ZNF148: variants seen among roughly 807,000 people sequenced by gnomAD.
ZNF148 encodes the protein Beta-Enolase Repressor Factor-1.
In ZNF148, 7 loss-of-function variants were observed where a neutral mutation model predicts 67.7. The observed-to-expected ratio is 0.10, with a 90% CI of 0.06 to 0.19. The LOEUF (loss-of-function observed/expected upper bound fraction) is 0.19, where lower values mean the gene tolerates loss of function less well. Ranked by LOEUF, ZNF148 falls within the 10% of genes least tolerant of loss-of-function variation. The probability of loss-of-function intolerance (pLI) is 1.00; values close to 1 mark genes in which losing one functional copy is unlikely to be tolerated. For synonymous variants in ZNF148, 333 were observed against 330.7 expected, an observed-to-expected ratio of 1.01 and a Z score of -0.08; for missense variants, 583 against 947.1, an observed-to-expected ratio of 0.62 and a Z score of 5.05.
At chr3:125,272,701 T>G (rs932776991) in intron 7 of ZNF148, among the ~76,000 whole-genome samples, 3 of 152,172 alleles carry the variant, frequency 2.0e-5, no homozygotes, top group African/African-American at 7.2e-5. Flanking sequence ...TTTTATGTCT[T>G]TATTGGGATA....
intron 1 of ZNF148, among the ~76,000 whole-genome samples, chr3:125,339,417 A>T (rs1330356774): frequency 6.6e-6 from 1 of 152,240 alleles, no homozygotes; most frequent in Non-Finnish European, 1.5e-5. Context: ...AGTACAATCT[A>T]TTAAACACAT....
intron 7 of ZNF148, among the ~76,000 whole-genome samples, chr3:125,259,976 T>G (rs1937262266): frequency 6.6e-6 from 1 of 152,158 alleles, no homozygotes; most frequent in Admixed American, 6.5e-5. Context: ...CTGGCTTAAT[T>G]TCAATATTGT....
intron 1 of ZNF148, chr3:125,344,545 T>C: frequency 9.4e-7 from 1 of 1,067,954 alleles, no homozygotes; most frequent in Non-Finnish European, 1.4e-6. Context: ...AAATGGACTG[T>C]CAAAATGACT....
Position 125,352,641 on chromosome 3 carries a change from C to A in ZNF148, c.-233-21403G>T, listed in dbSNP as rs561559602. Reference sequence around the variant, plus strand: ...TAAACGGAGAAATATCCTGTGGTCACGGACTGAAGGACCTCTATCTTAAAA... The same window carrying A: ...TAAACGGAGAAATATCCTGTGGTCAAGGACTGAAGGACCTCTATCTTAAAA... On this transcript the variant is annotated intron_variant, in intron 1 of 8. Coordinates refer to ENST00000360647, the MANE Select transcript of ZNF148 (RefSeq NM_021964.3). Among the ~76,000 whole-genome samples the A allele has an allele frequency of 6.3e-5, 9 of 142,418 alleles. No homozygotes were observed. The South Asian group carries it at 2.0e-3, about 32-fold the overall frequency. 93.4% of individuals were successfully genotyped at this position (142,418 alleles called of 152,430 possible).
intron 1 of ZNF148, among the ~76,000 whole-genome samples, chr3:125,371,316 C>A (rs1246937653): frequency 1.5e-5 from 2 of 131,960 alleles, no homozygotes; most frequent in Non-Finnish European, 3.1e-5. Flanking sequence ...GGAACATGCG[C>A]ACTGCACTTC....
Position 125,228,441 on chromosome 3 carries a change from T to C in ZNF148, c.*3900A>G, listed in dbSNP as rs965349947. ...GCTTATAAAAACTGATTAAAGATAA[T>C]CATTATTAAATGAAATAAGGATAAT... On this transcript the variant is annotated 3_prime_UTR_variant, in exon 9 of 9. Coordinates refer to ENST00000360647, the MANE Select transcript of ZNF148 (RefSeq NM_021964.3). 1 of 152,608 alleles carries C rather than the reference T, an allele frequency of 6.6e-6. No individual in the cohort carries two copies. The highest frequency in any genetic ancestry group is 2.4e-5 in the African/African-American group (1 of 41,454). The allele number at this position is 152,608 out of a possible 1,614,324, so 9.5% of individuals were successfully genotyped here. A position where few individuals can be genotyped will look rare whatever the true frequency, so the allele number is the denominator to read the frequency against.
At chr3:125,354,906 ATTAT>A (rs1410456314) in intron 1 of ZNF148, among the ~76,000 whole-genome samples, 8 of 152,342 alleles carry the variant, frequency 5.3e-5, no homozygotes, top group African/African-American at 1.9e-4. Context: ...TCACAATGCG[ATTAT>A]TTAACATTGT....
chr3:125,313,212 C>T (rs890948456), intron 4 of ZNF148, 96 bp downstream of exon 4: 2 of 985,590 alleles, frequency 2.0e-6, no homozygotes, highest in African/African-American at 3.3e-5. Context: ...ACTATTTAGC[C>T]CTGAAACATT....
chr3:125,358,128 A>G (rs1053001865), intron 1 of ZNF148, among the ~76,000 whole-genome samples: 3 of 152,186 alleles, frequency 2.0e-5, no homozygotes, highest in Non-Finnish European at 4.4e-5. Context: ...CCTATCCAAA[A>G]TGGTGAAACC....
chr3:125,341,537 C>T (rs1166094189), intron 1 of ZNF148, among the ~76,000 whole-genome samples: 1 of 152,092 alleles, frequency 6.6e-6, no homozygotes, highest in Non-Finnish European at 1.5e-5. Flanking sequence ...AAGAAGATTG[C>T]TTGAGCCTGG....
chr3:125,238,458 T>C (rs1031724407), intron 7 of ZNF148, among the ~76,000 whole-genome samples: 46 of 151,956 alleles, frequency 3.0e-4, no homozygotes, highest in Admixed American at 1.3e-4. Context: ...TGAAACCCTG[T>C]CTCTACTAAA....
chr3:125,238,058 T>A (rs548276709), intron 7 of ZNF148, among the ~76,000 whole-genome samples: 9 of 152,202 alleles, frequency 5.9e-5, no homozygotes, highest in African/African-American at 2.2e-4. Flanking sequence ...ACAAATTTGA[T>A]ACCCACATAC....
At chr3:125,326,669 G>T (rs912270200) in intron 2 of ZNF148, among the ~76,000 whole-genome samples, 1 of 145,832 alleles carries the variant, frequency 6.9e-6, no homozygotes, top group African/African-American at 2.6e-5. Context: ...CTATATATAT[G>T]AGTATATATA....
intron 7 of ZNF148, among the ~76,000 whole-genome samples, chr3:125,247,006 C>A (rs1248495111): frequency 1.3e-5 from 2 of 152,162 alleles, no homozygotes; most frequent in Non-Finnish European, 2.9e-5. Flanking sequence ...GACTAAATTA[C>A]AACCAATGAA....
intron 1 of ZNF148, among the ~76,000 whole-genome samples, chr3:125,353,445 C>T (rs1942229205): frequency 2.0e-5 from 3 of 151,704 alleles, no homozygotes; most frequent in Admixed American, 6.6e-5. Flanking sequence ...GTTTAAAAAG[C>T]AGTGAAAATG....
intron 7 of ZNF148, among the ~76,000 whole-genome samples, chr3:125,274,869 T>C (rs1032151581): frequency 6.6e-6 from 1 of 152,134 alleles, no homozygotes; most frequent in Non-Finnish European, 1.5e-5. Context: ...ATATGGAAAA[T>C]CTTTTTTAAT....
At chr3:125,373,343 G>A (rs889354154) in intron 1 of ZNF148, among the ~76,000 whole-genome samples, 6 of 151,276 alleles carry the variant, frequency 4.0e-5, no homozygotes, top group Non-Finnish European at 7.4e-5. Flanking sequence ...CGCTCGCCTC[G>A]GCCTCCCAAA....
chr3:125,337,729 G>A (rs537542515), intron 1 of ZNF148, among the ~76,000 whole-genome samples: 1 of 152,230 alleles, frequency 6.6e-6, no homozygotes, highest in East Asian at 1.9e-4. Context: ...ATTATTGTTT[G>A]TCTCAGTTCT....
At chr3:125,350,825 T>TA (rs1942120164) in intron 1 of ZNF148, among the ~76,000 whole-genome samples, 1 of 152,140 alleles carries the variant, frequency 6.6e-6, no homozygotes, top group African/African-American at 2.4e-5. Context: ...AGTCCATATA[T>TA]ATATACACAC....
Sources: allele counts gnomAD v4.1 joint callset (sites outside exome capture counted in the v4.1 genomes callset), GRCh38; gene constraint gnomAD v4.1.1; transcripts MANE v1.5; gene names NCBI Gene and HGNC (gene_info 2026-07-23, HGNC 2026-07-21).